Variants in CFAP77 observed in about 807,000 individuals in gnomAD.
CFAP77 encodes cilia- and flagella-associated protein 77.
CFAP77 carries 25 observed loss-of-function variants against 31.1 expected under a neutral mutation model. The observed-to-expected ratio is 0.80, with a 90% confidence interval of 0.59 to 1.12. CFAP77 has a LOEUF of 1.12. Ranked by LOEUF, CFAP77 falls within the 50% of genes most tolerant of loss-of-function variation. The probability of loss-of-function intolerance (pLI) is 0.00; values close to 1 mark genes in which losing one functional copy is unlikely to be tolerated. For synonymous variants in CFAP77, 151 were observed against 159.9 expected (o/e 0.94, Z 0.42); for missense variants, 377 against 397.3 (o/e 0.95, Z 0.44).
chr9:132,524,759 C>T (rs1692655704), intron 3 of CFAP77, among the ~76,000 whole-genome samples: 1 of 151,816 alleles, frequency 6.6e-6, no homozygotes, highest in Non-Finnish European at 1.5e-5. Context: ...CACCATTCTC[C>T]TGCGTCAGCC....
At chr9:132,528,626 C>A (rs1852383011) in intron 3 of CFAP77, among the ~76,000 whole-genome samples, 1 of 111,374 alleles carries the variant, frequency 9.0e-6, no homozygotes, top group African/African-American at 3.3e-5. Context: ...GGGCTAATAT[C>A]CAGAATCTAC....
In CFAP77 at chr9:132,565,503, C is replaced by G. The variant is rs1337943782; in HGVS notation, c.733-6885C>G. Among the ~76,000 whole-genome samples, 1 of 152,012 alleles carries G rather than the reference C, an allele frequency of 6.6e-6. No homozygotes were observed. On this transcript the variant is annotated intron_variant, in intron 5 of 5. Transcript: ENST00000393216. The surrounding 1 kb of genome is among the most constrained non-coding windows in gnomAD (Gnocchi z 4.1). ...AAAATTAGCTGGGCGTGATGGCAGA[C>G]ACCTGTAATCCCAGCTACTCGGGAG...
intron 5 of CFAP77, among the ~76,000 whole-genome samples, chr9:132,570,317 T>C (rs1467338036): frequency 6.6e-6 from 1 of 152,228 alleles, no homozygotes; most frequent in East Asian, 1.9e-4. Flanking sequence ...AGGTGGGCAC[T>C]GGGTAACTAT....
At chr9:132,464,528 C>T (rs1406200160) in intron 1 of CFAP77, among the ~76,000 whole-genome samples, 1 of 152,090 alleles carries the variant, frequency 6.6e-6, no homozygotes, top group African/African-American at 2.4e-5. Flanking sequence ...AAAAAAGAAA[C>T]AAGGGAAATT....
rs1850280387 is a variant in CFAP77, at chr9:132,424,452, G to C, written c.195+13986G>C. Among the ~76,000 whole-genome samples the C allele has an allele frequency of 6.6e-6, 1 of 152,142 alleles. No individual in the cohort carries two copies. The highest frequency in any genetic ancestry group is 1.5e-5 in the Non-Finnish European group (1 of 68,010). ...GAGGGAGCAGCCCTGGCCTGGCCTG[G>C]TCCAGAAAGACCTGTGGAATTGCTG... is the stretch of plus-strand genomic sequence containing the variant. On this transcript the variant is annotated intron_variant, in intron 1 of 5. Coordinates refer to ENST00000393216, the MANE Select transcript of CFAP77 (RefSeq NM_001282957.2). This position sits in a 1 kb window ranked among gnomAD's most constrained non-coding sequence, Gnocchi z 4.1.
intron 3 of CFAP77, among the ~76,000 whole-genome samples, chr9:132,506,432 G>C (rs1043844032): frequency 7.9e-5 from 12 of 152,138 alleles, no homozygotes; most frequent in African/African-American, 2.4e-4. Context: ...TGTCGATTAT[G>C]ATGAGTCAGG....
At chr9:132,529,485 T>C (rs1220288049) in intron 3 of CFAP77, among the ~76,000 whole-genome samples, 1 of 142,406 alleles carries the variant, frequency 7.0e-6, no homozygotes, top group Non-Finnish European at 1.5e-5. Context: ...TGTGCACATG[T>C]ACCCTAAAAC....
chr9:132,431,392 A>C (rs1161845561), intron 1 of CFAP77, among the ~76,000 whole-genome samples: 3 of 152,228 alleles, frequency 2.0e-5, no homozygotes, highest in African/African-American at 7.2e-5. Flanking sequence ...AAATAGGAAA[A>C]TATGACTCAC....
intron 3 of CFAP77, among the ~76,000 whole-genome samples, chr9:132,535,154 AT>A (rs1458107556): frequency 6.6e-6 from 1 of 152,244 alleles, no homozygotes; most frequent in African/African-American, 2.4e-5. Context: ...AGGAAAACTA[AT>A]GAGTTGATAA....
chr9:132,428,106 T>C (rs1367138239), intron 1 of CFAP77, among the ~76,000 whole-genome samples: 1 of 151,654 alleles, frequency 6.6e-6, no homozygotes, highest in Non-Finnish European at 1.5e-5. Context: ...CAAGTGATTC[T>C]CCCACCTCAG....
Position 132,517,567 on chromosome 9 carries a change from C to T in CFAP77, c.524+17967C>T, listed in dbSNP as rs989157419. Among the ~76,000 whole-genome samples, 2 of 152,252 alleles carry T rather than the reference C, an allele frequency of 1.3e-5. No individual in the cohort carries two copies. Among genetic ancestry groups the T allele is most frequent in the Non-Finnish European group, 2.9e-5 (2 of 68,048 alleles). ...CAAGTCTCCCTTCTGAAACACCTTT[C>T]AACAAATGTGTACCTAAAGTCCCTC... On this transcript the variant is annotated intron_variant, in intron 3 of 5. Coordinates refer to ENST00000393216, the MANE Select transcript of CFAP77 (RefSeq NM_001282957.2). The surrounding 1 kb of genome is among the most constrained non-coding windows in gnomAD (Gnocchi z 4.7).
At chr9:132,450,813 C>T (rs534257714) in intron 1 of CFAP77, among the ~76,000 whole-genome samples, 70 of 152,260 alleles carry the variant, frequency 4.6e-4, no homozygotes, top group African/African-American at 1.6e-3. Flanking sequence ...GCGGGTAAGC[C>T]GGGAGGCTCA....
chr9:132,410,295 C>T lies in CFAP77; in HGVS notation c.24C>T (p.Gly8=). Residue 8 remains glycine (G), a synonymous_variant, in exon 1 of 6, where the codon GGC becomes GGT. Transcript: ENST00000393216. MPEARSS[G]PDLTRWRKQQ... ...GGATGCCAGAGGCCAGGAGCTCCGG[C>T]CCGGACCTCACGCGATGGAGGAAGC... is the stretch of plus-strand genomic sequence containing the variant. The T allele has an allele frequency of 6.3e-7, 1 of 1,588,052 alleles. No individual in the cohort carries two copies. Among genetic ancestry groups the T allele is most frequent in the Non-Finnish European group, 8.6e-7 (1 of 1,168,946 alleles).
intron 1 of CFAP77, among the ~76,000 whole-genome samples, chr9:132,487,475 A>T (rs1012277353): frequency 5.3e-5 from 8 of 152,200 alleles, no homozygotes; most frequent in African/African-American, 1.9e-4. Context: ...GGCTTTTTAA[A>T]TTATAAAAGT....
chr9:132,454,964 C>T (rs1233141343), intron 1 of CFAP77, among the ~76,000 whole-genome samples: 1 of 152,132 alleles, frequency 6.6e-6, no homozygotes, highest in Non-Finnish European at 1.5e-5. Context: ...TAGACCATCC[C>T]AGGATTACCT....
At chr9:132,461,899 A>T (rs1398712619) in intron 1 of CFAP77, among the ~76,000 whole-genome samples, 1 of 152,164 alleles carries the variant, frequency 6.6e-6, no homozygotes, top group Non-Finnish European at 1.5e-5. Flanking sequence ...TGCAGTAAGC[A>T]TTTTTTAAAC....
chr9:132,418,045 G>A (rs546456869), intron 1 of CFAP77, among the ~76,000 whole-genome samples: 17 of 152,316 alleles, frequency 1.1e-4, no homozygotes, highest in Admixed American at 9.2e-4. Flanking sequence ...CTCAGCCTGG[G>A]TTTCCTTATT....
At chr9:132,428,195 G>T (rs12343059) in intron 1 of CFAP77, among the ~76,000 whole-genome samples, 1 of 150,646 alleles carries the variant, frequency 6.6e-6, no homozygotes, top group African/African-American at 2.4e-5. Flanking sequence ...TTTTCACAGA[G>T]ACATGGGTCT....
At chr9:132,412,333 AG>A (rs1270569602) in intron 1 of CFAP77, among the ~76,000 whole-genome samples, 1 of 152,244 alleles carries the variant, frequency 6.6e-6, no homozygotes, top group Non-Finnish European at 1.5e-5. Flanking sequence ...AGGGACAGCC[AG>A]GGGGCAGCCT....
Sources: gnomAD v4.1 joint callset for allele counts (sites outside exome capture counted in the v4.1 genomes callset) on GRCh38, gnomAD v4.1.1 for gene constraint, Gnocchi (gnomAD v3.1) non-coding constraint, MANE v1.5 for transcripts, NCBI Gene and HGNC (gene_info 2026-07-23, HGNC 2026-07-21) for gene names.